Variants in RNF24 observed in about 807,000 individuals in gnomAD.
RNF24 encodes the protein ring finger protein 24.
Under a neutral mutation model 20.0 loss-of-function variants are expected in RNF24, and 14 were observed. The observed-to-expected ratio is 0.70, with a 90% CI of 0.46 to 1.10. The LOEUF is 1.10. Among genes scored for constraint, RNF24 ranks in the 50% least tolerant of loss-of-function variants. RNF24 has a pLI of 0.00. For missense variants in RNF24, 124 were observed against 177.6 expected (o/e 0.70, Z 1.71); for synonymous variants, 45 against 61.1 (o/e 0.74, Z 1.23).
At chr20:3,986,650 T>TC (rs1295547666) in intron 1 of RNF24, among the ~76,000 whole-genome samples, 3 of 134,014 alleles carry the variant, frequency 2.2e-5, no homozygotes, top group Non-Finnish European at 3.4e-5. Context: ...TGCAGTATAA[T>TC]TTTTTTTTTT....
chr20:4,009,051 T>TA (rs1982214884), intron 1 of RNF24, among the ~76,000 whole-genome samples: 1 of 152,214 alleles, frequency 6.6e-6, no homozygotes, highest in Non-Finnish European at 1.5e-5. Flanking sequence ...TTTGCCCATG[T>TA]ACTGAGTAGA....
At chr20:3,984,328 G>A (rs981434594) in intron 1 of RNF24, among the ~76,000 whole-genome samples, 2 of 151,992 alleles carry the variant, frequency 1.3e-5, no homozygotes, top group African/African-American at 4.8e-5. Flanking sequence ...TGTGAGCTTC[G>A]GTTATCAAGA....
intron 4 of RNF24, among the ~76,000 whole-genome samples, chr20:3,940,194 G>T (rs1182929953): frequency 6.6e-6 from 1 of 152,104 alleles, no homozygotes; most frequent in East Asian, 1.9e-4. Flanking sequence ...CTGGGCTCAC[G>T]CAATCCTTCC....
At chr20:3,953,683 C>T (rs927898512) in intron 2 of RNF24, among the ~76,000 whole-genome samples, 2 of 151,564 alleles carry the variant, frequency 1.3e-5, no homozygotes, top group African/African-American at 2.4e-5. Context: ...AAGATGGTCT[C>T]GATCTCCTGA....
At chr20:3,989,737 T>C (rs966907378) in intron 1 of RNF24, among the ~76,000 whole-genome samples, 1 of 152,076 alleles carries the variant, frequency 6.6e-6, no homozygotes, top group Non-Finnish European at 1.5e-5. Flanking sequence ...ATTTTACTGA[T>C]GGTGTGAGAG....
At chr20:3,993,453 A>G (rs377533562) in intron 1 of RNF24, among the ~76,000 whole-genome samples, 2 of 152,002 alleles carry the variant, frequency 1.3e-5, no homozygotes, top group Admixed American at 6.6e-5. Flanking sequence ...CACCCAGCTA[A>G]GTTTTGTATT....
Position 3,927,446 on chromosome 20 carries a change from C to T in RNF24, c.*6617G>A, listed in dbSNP as rs2090739705. On this transcript the variant is annotated 3_prime_UTR_variant, in exon 6 of 6. Transcript: ENST00000358395. ...CAAAAATATAGCTTACAAAAAACTG[C>T]GAATGTTTAAAAATATTCTGCTGCA... 1 of 151,994 alleles carries T rather than the reference C, an allele frequency of 6.6e-6. No homozygotes were observed. Among genetic ancestry groups the T allele is most frequent in the Non-Finnish European group, 1.5e-5 (1 of 68,008 alleles). 9.4% of individuals were successfully genotyped at this position (151,994 alleles called of 1,614,324 possible).
intron 1 of RNF24, among the ~76,000 whole-genome samples, chr20:3,990,797 G>A (rs1238108883): frequency 2.0e-5 from 3 of 151,898 alleles, no homozygotes; most frequent in Admixed American, 6.6e-5. Context: ...GATCATCTGT[G>A]ACCCAAGGTT....
At chr20:4,013,686 T>C (rs1568678239) in intron 1 of RNF24, among the ~76,000 whole-genome samples, 3 of 152,252 alleles carry the variant, frequency 2.0e-5, no homozygotes, top group African/African-American at 4.8e-5. Flanking sequence ...GGTTTCACCA[T>C]GTTGGCCAGG....
rs919446534 is a variant in RNF24 at position 3,928,467 on chromosome 20, A to C, written c.*5596T>G. The C allele has an allele frequency of 2.0e-5, 3 of 152,158 alleles. No individual in the cohort carries two copies. The highest frequency in any genetic ancestry group is 4.4e-5 in the Non-Finnish European group (3 of 68,084). 9.4% of individuals were successfully genotyped at this position (152,158 alleles called of 1,614,324 possible). ...GGGACAAAAATGAACTTAAACTAAA[A>C]AAATTATTGGCCGGGCGCAGTGGCT... On this transcript the variant is annotated 3_prime_UTR_variant, in exon 6 of 6. Transcript: ENST00000358395.
intron 1 of RNF24, among the ~76,000 whole-genome samples, chr20:3,984,997 G>A (rs1979758019): frequency 6.6e-6 from 1 of 151,982 alleles, no homozygotes; most frequent in Admixed American, 6.6e-5. Flanking sequence ...GGCTTCCTCC[G>A]ATTTACACTC....
rs1980639003 is a variant in RNF24 at position 3,993,676 on chromosome 20, A to ACTT, written c.-8+21760_-8+21761insAAG. ...AAGCCTGGACTGCACTGGTAGGGTT[A>ACTT]GAATGGATACACAAGTAAAAACAAT... On this transcript the variant is annotated intron_variant, in intron 1 of 5. Coordinates refer to ENST00000358395, the MANE Select transcript of RNF24 (RefSeq NM_001134337.3). 3.3e-5 allele frequency among the ~76,000 whole-genome samples: 5 copies of ACTT among 152,334 alleles called. No individual in the cohort carries two copies. In the South Asian group the frequency reaches 1.0e-3, roughly 32 times the overall value.
intron 2 of RNF24, 65 bp downstream of exon 2, chr20:3,963,810 G>A (rs2091228472): frequency 2.2e-6 from 3 of 1,355,756 alleles, no homozygotes; most frequent in Non-Finnish European, 3.0e-6. Context: ...AAAAATCTGA[G>A]GACAGAAACT....
chr20:3,984,292 C>T (rs1979692772), intron 1 of RNF24, among the ~76,000 whole-genome samples: 1 of 152,086 alleles, frequency 6.6e-6, no homozygotes, highest in African/African-American at 2.4e-5. Flanking sequence ...TAATTCACTT[C>T]TTCATTGAGT....
intron 1 of RNF24, among the ~76,000 whole-genome samples, chr20:4,014,276 G>A (rs2122183418): frequency 6.6e-6 from 1 of 152,330 alleles, no homozygotes; most frequent in Admixed American, 6.5e-5. Flanking sequence ...AAAAAAGCAA[G>A]GAGGTAGAGA....
At chr20:3,982,303 C>A (rs1416456224) in intron 1 of RNF24, among the ~76,000 whole-genome samples, 1 of 151,896 alleles carries the variant, frequency 6.6e-6, no homozygotes, top group Admixed American at 6.6e-5. Flanking sequence ...GAGGGTTGGG[C>A]GCAGTGGCTC....
At chr20:3,992,120 ATTACT>A (rs1046885052) in intron 1 of RNF24, among the ~76,000 whole-genome samples, 4 of 152,210 alleles carry the variant, frequency 2.6e-5, no homozygotes, top group Non-Finnish European at 5.9e-5. Context: ...GATCTTACTC[ATTACT>A]TTACCCACTC....
rs1240759894 is a variant in RNF24, at chr20:3,933,357, C to T, written c.*706G>A. The T allele has an allele frequency of 2.5e-6, 1 of 396,998 alleles. No individual in the cohort carries two copies. The allele number at this position is 396,998 out of a possible 1,614,324, so 24.6% of individuals were successfully genotyped here. ...TCAGGGACAGTGTGGACTCAGGGCC[C>T]ACTCCCTGCTGGGGCTCTGGACGGG... On this transcript the variant is annotated 3_prime_UTR_variant, in exon 6 of 6. Transcript: ENST00000358395.
intron 1 of RNF24, among the ~76,000 whole-genome samples, chr20:3,998,499 C>T (rs886401611): frequency 5.4e-5 from 8 of 147,246 alleles, no homozygotes; most frequent in Non-Finnish European, 8.9e-5. Context: ...CACTTGAACC[C>T]GAGAGGTGGA....
Sources: gnomAD v4.1 joint callset for allele counts (sites outside exome capture counted in the v4.1 genomes callset) on GRCh38, gnomAD v4.1.1 for gene constraint, MANE v1.5 for transcripts, NCBI Gene and HGNC (gene_info 2026-07-23, HGNC 2026-07-21) for gene names.